Variants in CNNM2 observed in about 807,000 individuals in gnomAD.
CNNM2 encodes the protein cyclin and CBS domain divalent metal cation transport mediator 2.
In CNNM2, 12 loss-of-function variants were observed where a neutral mutation model predicts 66.9. The ratio of observed to expected loss-of-function variants is 0.18; its 90% CI spans 0.11 to 0.29. The LOEUF (loss-of-function observed/expected upper bound fraction) is 0.29, where lower values mean the gene tolerates loss of function less well. Among genes scored for constraint, CNNM2 ranks in the 10% least tolerant of loss-of-function variants. CNNM2 has a pLI of 1.00. For missense variants in CNNM2, 705 were observed against 1,167.7 expected (o/e 0.60, Z 5.77); for synonymous variants, 557 against 501.8 (o/e 1.11, Z -1.47).
Position 103,078,414 on chromosome 10 carries a change from CGGCCTGTG to C in CNNM2, c.*1235_*1242del, listed in dbSNP as rs996757340. 2 of 152,248 alleles carry C rather than the reference CGGCCTGTG, an allele frequency of 1.3e-5. No individual in the cohort carries two copies. Among genetic ancestry groups the C allele is most frequent in the Non-Finnish European group, 2.9e-5 (2 of 68,058 alleles). 9.4% of individuals were successfully genotyped at this position (152,248 alleles called of 1,614,324 possible). A position where few individuals can be genotyped will look rare whatever the true frequency, so the allele number is the denominator to read the frequency against. ...GGCTCTGTGCCTCCTGCCTCAGATG[CGGCCTGTG>C]CCAGAGAGGCTGCCTGTACAGCCAG... On this transcript the variant is annotated 3_prime_UTR_variant, in exon 8 of 8. Transcript: ENST00000369878.
Position 103,054,287 on chromosome 10 carries a change from G to T in CNNM2, c.1766-42G>T, listed in dbSNP as rs764913107. Reference sequence around the variant, plus strand: ...TTCAAAAAGAGCCCTCATCTCATGGGATGCATTTCTTTTTTTTTCTCTCTT... The same window carrying T: ...TTCAAAAAGAGCCCTCATCTCATGGTATGCATTTCTTTTTTTTTCTCTCTT... On this transcript the variant is annotated intron_variant, in intron 2 of 7. Coordinates refer to ENST00000369878, the MANE Select transcript of CNNM2 (RefSeq NM_017649.5). This position sits in a 1 kb window ranked among gnomAD's most constrained non-coding sequence, Gnocchi z 5.2. 2 of 1,601,046 alleles carry T rather than the reference G, an allele frequency of 1.2e-6. No individual in the cohort carries two copies. Among genetic ancestry groups the T allele is most frequent in the Non-Finnish European group, 1.7e-6 (2 of 1,173,146 alleles).
In CNNM2 at chr10:103,090,067, TTGC is replaced by T; in HGVS notation, c.*12888_*12890del. On this transcript the variant is annotated 3_prime_UTR_variant, in exon 8 of 8. Transcript: ENST00000369878. Reference sequence around the variant, plus strand: ...CTTATCTTCATAGAACTACTTATAGTTGCCTGTCTTCCTCTCTCCCTGCCCCTC... The same window carrying T: ...CTTATCTTCATAGAACTACTTATAGTCTGTCTTCCTCTCTCCCTGCCCCTC... 1 of 524,604 alleles carries T rather than the reference TTGC, an allele frequency of 1.9e-6. No individual in the cohort carries two copies. Among genetic ancestry groups the T allele is most frequent in the Non-Finnish European group, 3.2e-6 (1 of 308,396 alleles). 32.5% of individuals were successfully genotyped at this position (524,604 alleles called of 1,614,324 possible).
At chr10:103,042,410 G>A (rs552375095) in intron 1 of CNNM2, among the ~76,000 whole-genome samples, 5 of 152,100 alleles carry the variant, frequency 3.3e-5, no homozygotes, top group Admixed American at 6.5e-5. Context: ...ATGTCATCCC[G>A]CCCCTACTGT....
At chr10:102,942,938 G>A (rs1010203471) in intron 1 of CNNM2, among the ~76,000 whole-genome samples, 37 of 152,036 alleles carry the variant, frequency 2.4e-4, no homozygotes, top group African/African-American at 1.4e-4. Context: ...CAGTCCAGGC[G>A]CGCCTGGATC....
At chr10:103,068,565 T>C (rs935642269) in intron 4 of CNNM2, 64 bp from the exon 5 acceptor site, 5 of 1,302,960 alleles carry the variant, frequency 3.8e-6, no homozygotes, top group South Asian at 3.8e-5. Flanking sequence ...GACCAAATAT[T>C]GTACAGAGTG....
chr10:102,920,908 T>C (rs537681946), intron 1 of CNNM2: 4 of 169,798 alleles, frequency 2.4e-5, no homozygotes, highest in Non-Finnish European at 3.6e-5. Context: ...AGTGTGATTT[T>C]GGCAGAAAGC....
intron 1 of CNNM2, among the ~76,000 whole-genome samples, chr10:102,979,869 A>G (rs1488319988): frequency 6.6e-6 from 1 of 151,684 alleles, no homozygotes; most frequent in African/African-American, 2.4e-5. Context: ...TCTAATTCCT[A>G]CTCTCCAAAG....
chr10:103,037,812 G>A (rs116374123), intron 1 of CNNM2, among the ~76,000 whole-genome samples: 1 of 152,092 alleles, frequency 6.6e-6, no homozygotes, highest in Non-Finnish European at 1.5e-5. Context: ...CCTATAGTGT[G>A]TCAGGCAGGT....
intron 4 of CNNM2, among the ~76,000 whole-genome samples, chr10:103,060,649 G>A (rs1319466434): frequency 1.3e-5 from 2 of 152,164 alleles, no homozygotes; most frequent in Non-Finnish European, 2.9e-5. Flanking sequence ...TTATATTCAA[G>A]ACACAGAACA....
chr10:103,075,834 TAG>T (rs2065680817), intron 6 of CNNM2, among the ~76,000 whole-genome samples: 1 of 152,098 alleles, frequency 6.6e-6, no homozygotes, highest in South Asian at 2.1e-4. Context: ...TTTTTGCTGT[TAG>T]AGACTTGGGA....
At chr10:103,055,855 T>C (rs2065286288) in intron 3 of CNNM2, among the ~76,000 whole-genome samples, 1 of 152,154 alleles carries the variant, frequency 6.6e-6, no homozygotes, top group African/African-American at 2.4e-5. Context: ...TAATCTCAGC[T>C]CTTGGCGGGG....
intron 5 of CNNM2, among the ~76,000 whole-genome samples, chr10:103,070,924 C>T (rs1428954446): frequency 6.6e-6 from 1 of 151,484 alleles, no homozygotes; most frequent in Non-Finnish European, 1.5e-5. Context: ...AGCGAGAATC[C>T]ATCTGAAACT....
chr10:103,017,452 G>A (rs975656177), intron 1 of CNNM2, among the ~76,000 whole-genome samples: 2 of 152,164 alleles, frequency 1.3e-5, no homozygotes, highest in Non-Finnish European at 2.9e-5. Flanking sequence ...CAGGTGGTAT[G>A]TATGGCAGAG....
chr10:103,031,367 T>G (rs1442528793), intron 1 of CNNM2, among the ~76,000 whole-genome samples: 2 of 152,114 alleles, frequency 1.3e-5, no homozygotes, highest in Non-Finnish European at 2.9e-5. Flanking sequence ...GATATACACT[T>G]TGTTTGAGTT....
intron 7 of CNNM2, 146 bp downstream of exon 7, chr10:103,076,416 C>A: frequency 1.3e-6 from 1 of 751,012 alleles, no homozygotes. Context: ...ACTACACACC[C>A]TGTCTTCGTC....
At chr10:102,931,546 G>T (rs188433688) in intron 1 of CNNM2, among the ~76,000 whole-genome samples, 1 of 151,860 alleles carries the variant, frequency 6.6e-6, no homozygotes, top group Non-Finnish European at 1.5e-5. Flanking sequence ...TAGTAGAGAC[G>T]GGGTTTCTCC....
chr10:103,004,494 C>G (rs1431150445), intron 1 of CNNM2, among the ~76,000 whole-genome samples: 1 of 152,174 alleles, frequency 6.6e-6, no homozygotes, highest in African/African-American at 2.4e-5. Context: ...GCTTCTCAAA[C>G]TGTATTGTGC....
At chr10:102,938,404 A>G (rs1181536331) in intron 1 of CNNM2, among the ~76,000 whole-genome samples, 1 of 151,608 alleles carries the variant, frequency 6.6e-6, no homozygotes, top group African/African-American at 2.4e-5. Flanking sequence ...AGATTGTGCC[A>G]CTGCACTCCA....
chr10:103,076,379 T>C, intron 7 of CNNM2, 109 bp downstream of exon 7: 1 of 1,101,430 alleles, frequency 9.1e-7, no homozygotes, highest in Admixed American at 2.1e-5. Flanking sequence ...CTTTGTCACT[T>C]TGTGGGTGCC....
Sources: allele counts gnomAD v4.1 joint callset (sites outside exome capture counted in the v4.1 genomes callset), GRCh38; gene constraint gnomAD v4.1.1; non-coding constraint Gnocchi (gnomAD v3.1); transcripts MANE v1.5; gene names NCBI Gene and HGNC (gene_info 2026-07-23, HGNC 2026-07-21).